The following NRG3 variants were observed in gnomAD, a reference collection of about 807,000 sequenced individuals.
NRG3 encodes pro-neuregulin-3, membrane-bound isoform.
In NRG3, 31 loss-of-function variants were observed where a neutral mutation model predicts 66.9. The ratio of observed to expected loss-of-function variants is 0.46; its 90% CI spans 0.35 to 0.63. The LOEUF (loss-of-function observed/expected upper bound fraction) is 0.63, where lower values mean the gene tolerates loss of function less well. Ranked by LOEUF, NRG3 falls within the 20% of genes least tolerant of loss-of-function variation. The probability of loss-of-function intolerance (pLI) is 0.00; values close to 1 mark genes in which losing one functional copy is unlikely to be tolerated. For synonymous variants in NRG3, 393 were observed against 359.4 expected, an observed-to-expected ratio of 1.09 and a Z score of -1.06; for missense variants, 910 against 878.9, an observed-to-expected ratio of 1.04 and a Z score of -0.45.
intron 1 of NRG3, among the ~76,000 whole-genome samples, chr10:81,956,217 A>G (rs1344823583): frequency 6.6e-6 from 1 of 152,162 alleles, no homozygotes; most frequent in African/African-American, 2.4e-5. Context: ...AAGGCAAAAC[A>G]ACTTCCCTCT....
At chr10:82,779,478 A>C (rs1009386167) in intron 3 of NRG3, among the ~76,000 whole-genome samples, 3 of 151,904 alleles carry the variant, frequency 2.0e-5, no homozygotes, top group African/African-American at 7.3e-5. Context: ...ATAGTTATTC[A>C]TTTGTTGTTT....
At chr10:82,748,973 C>T (rs2058751778) in intron 3 of NRG3, among the ~76,000 whole-genome samples, 1 of 152,040 alleles carries the variant, frequency 6.6e-6, no homozygotes, top group African/African-American at 2.4e-5. Flanking sequence ...ATTATGATTC[C>T]TCACATTGCT....
At chr10:82,161,345 T>C (rs184464091) in intron 1 of NRG3, among the ~76,000 whole-genome samples, 92 of 152,228 alleles carry the variant, frequency 6.0e-4, no homozygotes, top group Admixed American at 6.0e-3. Context: ...TGTGTGGATA[T>C]GATAACACAA....
At chr10:82,294,973 C>T (rs1211242065) in intron 1 of NRG3, among the ~76,000 whole-genome samples, 2 of 152,096 alleles carry the variant, frequency 1.3e-5, no homozygotes, top group South Asian at 2.1e-4. Flanking sequence ...ATATCAATTC[C>T]TAATGAATTT....
intron 1 of NRG3, among the ~76,000 whole-genome samples, chr10:81,887,060 C>T (rs1842665641): frequency 6.6e-6 from 1 of 152,048 alleles, no homozygotes; most frequent in Non-Finnish European, 1.5e-5. Flanking sequence ...AAAGAATATA[C>T]TCCATGAATC....
In NRG3 at chr10:82,422,774, G is replaced by A. The variant is rs572636839; in HGVS notation, c.953+63906G>A. The stretch of plus-strand genomic sequence containing the variant: ...ATGATTAAGGCAGCTTTGCTATGTG[G>A]TAAATTATATTTTATGCCTGGGTAA... On this transcript the variant is annotated intron_variant, in intron 2 of 8. Coordinates refer to ENST00000372141, the MANE Select transcript of NRG3 (RefSeq NM_001010848.4). 5.9e-5 allele frequency among the ~76,000 whole-genome samples: 9 copies of A among 152,092 alleles called. No individual in the cohort carries two copies. In the East Asian group the frequency reaches 1.5e-3, roughly 26 times the overall value.
rs138666733 is a variant in NRG3, at chr10:82,066,066, A to G, written c.823+189903A>G. On this transcript the variant is annotated intron_variant, in intron 1 of 8. Transcript: ENST00000372141. The stretch of plus-strand genomic sequence containing the variant: ...TCATTAGAAGAAATGAACGTGAACT[A>G]AAATGTATGTATTTTGTTTCATTTT... Among the ~76,000 whole-genome samples the G allele has an allele frequency of 2.9e-3, 446 of 152,306 alleles. 2 individuals are homozygous for G. The highest frequency in any genetic ancestry group is 0.01 in the African/African-American group (424 of 41,568).
chr10:82,798,957 C>T (rs947143372), intron 3 of NRG3, among the ~76,000 whole-genome samples: 2 of 152,092 alleles, frequency 1.3e-5, no homozygotes, highest in African/African-American at 4.8e-5. Context: ...AGAGGCTCTG[C>T]AGGTGACTGG....
intron 5 of NRG3, among the ~76,000 whole-genome samples, chr10:82,956,580 G>A (rs1029965474): frequency 6.6e-6 from 1 of 151,946 alleles, no homozygotes; most frequent in African/African-American, 2.4e-5. Flanking sequence ...ATTGGATATT[G>A]CTTAAAGAAA....
rs147803509 is a variant in NRG3 at position 82,802,903 on chromosome 10, G to A, written c.1028-62508G>A. On this transcript the variant is annotated intron_variant, in intron 3 of 8. Transcript: ENST00000372141. ...TTGCCCAGGCTGGTCTCAAAATCCT[G>A]GGCTCAAATGATTCACCTGTCTTGG... 2.4e-3 allele frequency among the ~76,000 whole-genome samples: 359 copies of A among 152,200 alleles called. 7 individuals carry two copies. Among genetic ancestry groups the A allele is most frequent in the Admixed American group, 0.018 (276 of 15,280 alleles).
chr10:82,149,067 TG>T (rs1564611067), intron 1 of NRG3, among the ~76,000 whole-genome samples: 7 of 41,784 alleles, frequency 1.7e-4, no homozygotes, highest in Non-Finnish European at 3.4e-4. Flanking sequence ...TTTTTGTTTT[TG>T]TTTTTGTTTT....
At chr10:82,142,996 T>C (rs1324800285) in intron 1 of NRG3, among the ~76,000 whole-genome samples, 4 of 150,210 alleles carry the variant, frequency 2.7e-5, no homozygotes, top group Non-Finnish European at 3.0e-5. Flanking sequence ...CTGGAACTCC[T>C]GGGCTCAAGC....
intron 1 of NRG3, among the ~76,000 whole-genome samples, chr10:82,190,510 T>TA (rs1352922838): frequency 1.3e-5 from 2 of 152,168 alleles, no homozygotes; most frequent in African/African-American, 4.8e-5. Flanking sequence ...GAAATAACTG[T>TA]AAAAACATGT....
At chr10:82,697,515 A>G (rs936783074) in intron 2 of NRG3, among the ~76,000 whole-genome samples, 5 of 152,178 alleles carry the variant, frequency 3.3e-5, no homozygotes, top group Admixed American at 3.3e-4. Context: ...TTCATTTTCT[A>G]TGACCAGAGC....
chr10:82,971,601 TA>T (rs1204327398), intron 6 of NRG3, among the ~76,000 whole-genome samples: 1 of 152,094 alleles, frequency 6.6e-6, no homozygotes, highest in East Asian at 1.9e-4. Flanking sequence ...CATGCCCAGC[TA>T]ATTTTTGTAC....
chr10:82,693,305 C>T (rs946462615), intron 2 of NRG3, among the ~76,000 whole-genome samples: 4 of 152,040 alleles, frequency 2.6e-5, no homozygotes, highest in Non-Finnish European at 2.9e-5. Context: ...CATTGCTAGA[C>T]TTGAATAAAG....
At chr10:82,639,554 T>C (rs562637428) in intron 2 of NRG3, among the ~76,000 whole-genome samples, 1 of 152,326 alleles carries the variant, frequency 6.6e-6, no homozygotes, top group African/African-American at 2.4e-5. Context: ...AATGGGATAT[T>C]TAGCTGGAAA....
intron 2 of NRG3, among the ~76,000 whole-genome samples, chr10:82,514,502 C>T (rs952920828): frequency 2.0e-5 from 3 of 152,020 alleles, no homozygotes; most frequent in Admixed American, 6.6e-5. Context: ...TGTAGATGTG[C>T]GGTCTTGTGT....
intron 2 of NRG3, among the ~76,000 whole-genome samples, chr10:82,734,567 G>A (rs533199960): frequency 6.6e-6 from 1 of 152,182 alleles, no homozygotes; most frequent in African/African-American, 2.4e-5. Context: ...CCCTCCCATT[G>A]TGAGGGACCA....
Sources: gnomAD v4.1 joint callset for allele counts (sites outside exome capture counted in the v4.1 genomes callset) on GRCh38, gnomAD v4.1.1 for gene constraint, MANE v1.5 for transcripts, NCBI Gene and HGNC (gene_info 2026-07-23, HGNC 2026-07-21) for gene names.